Variants in MLKL observed in about 807,000 individuals in gnomAD.
MLKL encodes mixed lineage kinase domain like pseudokinase.
A neutral mutation model predicts 56.5 loss-of-function variants in MLKL; 55 were observed. The observed-to-expected ratio is 0.97, with a 90% CI of 0.78 to 1.22. The LOEUF (loss-of-function observed/expected upper bound fraction) is 1.22. MLKL is among the 50% of genes most tolerant of loss of function. The pLI, the probability that MLKL is intolerant of heterozygous loss-of-function variation, is 0.00. For missense variants in MLKL, 694 were observed against 573.9 expected, an observed-to-expected ratio of 1.21 and a Z score of -2.14; for synonymous variants, 251 against 208.3, an observed-to-expected ratio of 1.20 and a Z score of -1.76.
At chr16:74,697,143 G>A (rs1453362385) in intron 1 of MLKL, among the ~76,000 whole-genome samples, 1 of 151,808 alleles carries the variant, frequency 6.6e-6, no homozygotes, top group African/African-American at 2.4e-5. Context: ...TTGAGTCCAG[G>A]AGGTTGAGGC....
At chr16:74,678,852 C>G (rs201115938) in intron 7 of MLKL, 47 bp downstream of exon 7, 4 of 1,374,112 alleles carry the variant, frequency 2.9e-6, no homozygotes, top group African/African-American at 1.4e-5. Context: ...TCTCATAGCA[C>G]CAGTCATGCA....
intron 4 of MLKL, among the ~76,000 whole-genome samples, chr16:74,688,221 C>A (rs200558400): frequency 1.3e-5 from 2 of 151,734 alleles, no homozygotes; most frequent in African/African-American, 4.8e-5. Flanking sequence ...CCACCTGCCT[C>A]GGCCTCCCAA....
Position 74,682,977 on chromosome 16 carries a change from C to G in MLKL, c.821-191G>C, listed in dbSNP as rs114900117. On this transcript the variant is annotated intron_variant, in intron 5 of 10. Transcript: ENST00000308807. ...GACCAAATATGCCCAGAATTCCCAT[C>G]CTCTTCTCCATAATACTTGGCTTGT... is the stretch of plus-strand genomic sequence containing the variant. 9.7e-3 allele frequency among the ~76,000 whole-genome samples: 1,478 copies of G among 152,104 alleles called. 29 individuals carry two copies. Among genetic ancestry groups the G allele is most frequent in the African/African-American group, 0.034 (1,430 of 41,502 alleles).
intron 4 of MLKL, among the ~76,000 whole-genome samples, chr16:74,688,655 A>G (rs1328713462): frequency 6.6e-6 from 1 of 152,144 alleles, no homozygotes; most frequent in Admixed American, 6.6e-5. Context: ...TGGAGGTTGC[A>G]GTGACTGATA....
intron 5 of MLKL, 132 bp from the exon 6 acceptor site, chr16:74,682,918 A>T (rs902687232): frequency 1.8e-6 from 2 of 1,110,226 alleles, no homozygotes. Flanking sequence ...CCCAATCCTC[A>T]GCCCACAGTT....
chr16:74,692,505 T>TA, intron 2 of MLKL, 89 bp from the exon 3 acceptor site: 2 of 1,020,084 alleles, frequency 2.0e-6, no homozygotes, highest in Non-Finnish European at 2.9e-6. Context: ...ACTGTTGAGA[T>TA]ATCATTTTTT....
chr16:74,691,236 A>G (rs1401184453), intron 4 of MLKL, 41 bp downstream of exon 4: 1 of 1,528,948 alleles, frequency 6.5e-7, no homozygotes, highest in African/African-American at 1.4e-5. Context: ...GAGTTAGAGT[A>G]AGTATTGGTA....
rs373435451 is a variant in MLKL, at chr16:74,693,277, A to G, written c.461-861T>C. The stretch of plus-strand genomic sequence containing the variant: ...TGAGACCAGCCTGGCCAAACTGGTC[A>G]GTAGAGATAGTGAAACCCCGTCTCT... On this transcript the variant is annotated intron_variant, in intron 2 of 10. Coordinates refer to ENST00000308807, the MANE Select transcript of MLKL (RefSeq NM_152649.4). Among the ~76,000 whole-genome samples, 164 of 151,996 alleles carry G rather than the reference A, an allele frequency of 1.1e-3. 1 individual carries two copies. The highest frequency in any genetic ancestry group is 3.9e-3 in the African/African-American group (162 of 41,444).
intron 4 of MLKL, among the ~76,000 whole-genome samples, chr16:74,689,698 A>T (rs1281256655): frequency 6.6e-6 from 1 of 152,208 alleles, no homozygotes; most frequent in East Asian, 1.9e-4. Flanking sequence ...AGACAAATTG[A>T]TCAGTGGGAA....
At chr16:74,675,573 G>A (rs368445643) in intron 8 of MLKL, 40 bp downstream of exon 8, 1 of 1,597,398 alleles carries the variant, frequency 6.3e-7, no homozygotes, top group Non-Finnish European at 8.5e-7. Flanking sequence ...TTCCTATTAT[G>A]CACATCTGAG....
At chr16:74,676,503 C>T in intron 7 of MLKL, 1 of 981,586 alleles carries the variant, frequency 1.0e-6, no homozygotes. Flanking sequence ...TTCATTTGCT[C>T]ACACGTTTCC....
At chr16:74,676,158 TG>T in intron 7 of MLKL, 4 of 776,248 alleles carry the variant, frequency 5.2e-6, no homozygotes, top group Non-Finnish European at 6.3e-6. Context: ...AGCCACTGCC[TG>T]GCTCGCCTTT....
Position 74,675,071 on chromosome 16 carries a change from C to A in MLKL, c.1270G>T (p.Val424Leu), listed in dbSNP as rs775105387. The change falls in exon 10 of 11, where the codon GTG becomes TTG. Residue 424 changes from valine to leucine, a missense_variant. By Grantham distance (32) the Val-to-Leu change is conservative. Transcript: ENST00000308807. ...GGCTCCTGCTGCCGCTTCACAGCCA[C>A]CAGCTTGCGGATCTTCTCAGAATTA... is the stretch of plus-strand genomic sequence containing the variant. The part of the protein sequence containing the change: ...GCNSEKIRKL[V>L]AVKRQQEPLG... 1.2e-6 allele frequency: 2 copies of A among 1,614,154 alleles called. No homozygotes were observed. The highest frequency in any genetic ancestry group is 4.5e-5 in the East Asian group (2 of 44,878).
chr16:74,691,587 G>A (rs1214026237), intron 3 of MLKL, 124 bp from the exon 4 acceptor site: 9 of 1,100,132 alleles, frequency 8.2e-6, no homozygotes, highest in Non-Finnish European at 9.0e-6. Flanking sequence ...AGAGCTGGTG[G>A]TGGCTGGGGC....
At position 74,695,725 on chromosome 16, in the gene MLKL, G is replaced by GC; in HGVS notation, c.32dup (p.Gln12ProfsTer8). 1 of 1,606,910 alleles carries GC rather than the reference G, an allele frequency of 6.2e-7. No individual in the cohort carries two copies. The highest frequency in any genetic ancestry group is 8.5e-7 in the Non-Finnish European group (1 of 1,176,790). On this transcript the variant is annotated frameshift_variant, in exon 2 of 11. Transcript: ENST00000308807. LOFTEE classifies it high-confidence loss of function. ...CTTCACACCGTTTGTGGATGACCTG[G>GC]CCAAGGGTGATAATATGCTTCAAAT...
chr16:74,691,634 C>T (rs1326856677), intron 3 of MLKL, among the ~76,000 whole-genome samples, 171 bp from the exon 4 acceptor site: 1 of 152,132 alleles, frequency 6.6e-6, no homozygotes, highest in African/African-American at 2.4e-5. Context: ...GGCTCCCGTG[C>T]CTCTGAGTGA....
rs1013039400 is a variant in MLKL at position 74,695,238 on chromosome 16, T to C, written c.460+60A>G. On this transcript the variant is annotated intron_variant, in intron 2 of 10. Coordinates refer to ENST00000308807, the MANE Select transcript of MLKL (RefSeq NM_152649.4). The stretch of plus-strand genomic sequence containing the variant: ...CATCATTGCTGCTCCTTTGGTAAAT[T>C]AAAGTGAGACTAAAATGCATTCAAC... 8.3e-5 allele frequency: 126 copies of C among 1,523,246 alleles called. No homozygotes were observed. In the Middle Eastern group the frequency reaches 1.1e-3, roughly 13 times the overall value. The allele number at this position is 1,523,246 out of a possible 1,614,324, so 94.4% of individuals were successfully genotyped here.
Position 74,685,577 on chromosome 16 carries a change from C to T in MLKL, c.729G>A (p.Val243=). 1.9e-6 allele frequency: 3 copies of T among 1,611,424 alleles called. No individual in the cohort carries two copies. Among genetic ancestry groups the T allele is most frequent in the South Asian group, 1.1e-5 (1 of 90,984 alleles). ...KKLQAGSIAI[V]RQTFNKEIKT... is the part of the protein sequence containing the mutation. ...TGATCTCCTTATTGAAAGTCTGCCT[C>T]ACTATTCTATAAGGATTAAAGAGAG... Residue 243 remains valine (V), a synonymous_variant, in exon 5 of 11, where the codon GTG becomes GTA. Coordinates refer to ENST00000308807, the MANE Select transcript of MLKL (RefSeq NM_152649.4).
At chr16:74,685,281 C>T (rs972036469) in intron 5 of MLKL, among the ~76,000 whole-genome samples, 1 of 152,026 alleles carries the variant, frequency 6.6e-6, no homozygotes, top group African/African-American at 2.4e-5. Context: ...TAGTGCAAAC[C>T]ACCCCTCAGC....
Sources: gnomAD v4.1 joint callset for allele counts (sites outside exome capture counted in the v4.1 genomes callset) on GRCh38, gnomAD v4.1.1 for gene constraint, MANE v1.5 for transcripts, NCBI Gene and HGNC (gene_info 2026-07-23, HGNC 2026-07-21) for gene names.